The following GABRB2 variants were observed in gnomAD, a reference collection of about 807,000 sequenced individuals.
GABRB2 encodes the protein gamma-aminobutyric acid type A receptor subunit beta2.
In GABRB2, 16 loss-of-function variants were observed where a neutral mutation model predicts 54.7. The observed-to-expected ratio is 0.29, with a 90% CI of 0.20 to 0.44. The LOEUF is 0.44. Ranked by LOEUF, GABRB2 falls within the 20% of genes least tolerant of loss-of-function variation. The probability of loss-of-function intolerance (pLI) is 1.00; values close to 1 mark genes in which losing one functional copy is unlikely to be tolerated. For missense variants in GABRB2, 355 were observed against 644.0 expected (o/e 0.55, Z 4.86); for synonymous variants, 244 against 233.8 (o/e 1.04, Z -0.40).
intron 3 of GABRB2, among the ~76,000 whole-genome samples, chr5:161,542,666 C>T (rs1760857194): frequency 6.6e-6 from 1 of 152,158 alleles, no homozygotes; most frequent in African/African-American, 2.4e-5. Context: ...TGGTCTGGTT[C>T]CCTACCATTC....
At chr5:161,302,178 A>G (rs1326622380) in intron 9 of GABRB2, among the ~76,000 whole-genome samples, 1 of 152,200 alleles carries the variant, frequency 6.6e-6, no homozygotes, top group Non-Finnish European at 1.5e-5. Context: ...GACCCATGTG[A>G]TGATGGTTCT....
chr5:161,448,421 AC>A (rs919860532), intron 4 of GABRB2, among the ~76,000 whole-genome samples: 62 of 152,254 alleles, frequency 4.1e-4, no homozygotes, highest in African/African-American at 1.5e-3. Context: ...ATCTAAAAAA[AC>A]TGAGTTTCTT....
At chr5:161,382,276 G>T (rs1755493678) in intron 5 of GABRB2, among the ~76,000 whole-genome samples, 1 of 152,170 alleles carries the variant, frequency 6.6e-6, no homozygotes, top group Non-Finnish European at 1.5e-5. Context: ...AGTCTGGAGA[G>T]CATGTCGTTA....
chr5:161,303,820 A>G (rs1462352430), intron 9 of GABRB2, among the ~76,000 whole-genome samples: 2 of 151,352 alleles, frequency 1.3e-5, no homozygotes, highest in East Asian at 1.9e-4. Context: ...TTCTAATCCC[A>G]TGTTACTGTC....
At chr5:161,347,211 T>C (rs61264415) in intron 5 of GABRB2, among the ~76,000 whole-genome samples, 13,716 of 152,122 alleles carry the variant, frequency 0.09, 711 homozygotes, top group East Asian at 0.17. Context: ...AATCCTTTAC[T>C]GGAGAAACTA....
intron 5 of GABRB2, among the ~76,000 whole-genome samples, chr5:161,401,394 T>C (rs13157803): frequency 6.6e-6 from 1 of 152,184 alleles, no homozygotes; most frequent in Non-Finnish European, 1.5e-5. Context: ...CAGGAATGCG[T>C]AGAATATTAT....
intron 3 of GABRB2, among the ~76,000 whole-genome samples, chr5:161,486,745 C>T (rs1180308217): frequency 6.6e-6 from 1 of 151,946 alleles, no homozygotes; most frequent in Non-Finnish European, 1.5e-5. Flanking sequence ...GTCTCCTCCT[C>T]CATGGCTGGA....
At chr5:161,392,685 A>G (rs1177804826) in intron 5 of GABRB2, among the ~76,000 whole-genome samples, 1 of 152,212 alleles carries the variant, frequency 6.6e-6, no homozygotes, top group Non-Finnish European at 1.5e-5. Context: ...CATATAAGCA[A>G]TTCAAAACAC....
rs761229229 is a variant in GABRB2, at chr5:161,336,728, C to G, written c.583G>C (p.Asp195His). 1 of 1,612,284 alleles carries G rather than the reference C, an allele frequency of 6.2e-7. No homozygotes were observed. The highest frequency in any genetic ancestry group is 8.5e-7 in the Non-Finnish European group (1 of 1,179,508). The change falls in exon 6 of 10, where the codon GAT (aspartate) becomes CAT (histidine). Residue 195 changes from aspartate to histidine, a missense_variant. Around this residue, in one of 6 missense-constraint regions of GABRB2, gnomAD observed 30 missense variants for 33.7 expected, o/e 0.89. Coordinates refer to ENST00000393959, the MANE Select transcript of GABRB2 (RefSeq NM_001371727.1). ...GTTACTCCTGTTACTGCATTATCAT[C>G]GCCACGCCAGTAAAACTCAATGTCA... ...TDDIEFYWRG[D>H]DNAVTGVTKI...
At chr5:161,544,388 A>G (rs1343630969) in intron 3 of GABRB2, among the ~76,000 whole-genome samples, 1 of 152,158 alleles carries the variant, frequency 6.6e-6, no homozygotes, top group African/African-American at 2.4e-5. Context: ...AATGCCCCCA[A>G]GTATGTGGGG....
chr5:161,460,119 T>C (rs2113265163), intron 3 of GABRB2, among the ~76,000 whole-genome samples: 1 of 152,240 alleles, frequency 6.6e-6, no homozygotes, highest in East Asian at 1.9e-4. Flanking sequence ...TCTTTGTTTG[T>C]ATTTTTAGTA....
At chr5:161,351,317 A>T (rs1471085578) in intron 5 of GABRB2, among the ~76,000 whole-genome samples, 1 of 152,158 alleles carries the variant, frequency 6.6e-6, no homozygotes, top group Non-Finnish European at 1.5e-5. Flanking sequence ...AGCTATAGTA[A>T]TCAAAATAGC....
rs569787131 is a variant in GABRB2, at chr5:161,458,798, G to A, written c.458+826C>T. On this transcript the variant is annotated intron_variant, in intron 4 of 9. Coordinates refer to ENST00000393959, the MANE Select transcript of GABRB2 (RefSeq NM_001371727.1). ...TAGCTCAATGTCTGACCCATAACAAGTGTTCAATAAATGAATATTATTGTT... is the reference window on the plus strand; with the variant it reads ...TAGCTCAATGTCTGACCCATAACAAATGTTCAATAAATGAATATTATTGTT... Among the ~76,000 whole-genome samples, 77 of 152,258 alleles carry A rather than the reference G, an allele frequency of 5.1e-4. 1 individual carries two copies. The highest frequency in any genetic ancestry group is 1.8e-3 in the African/African-American group (74 of 41,546).
At chr5:161,411,705 A>T (rs1245189217) in intron 4 of GABRB2, among the ~76,000 whole-genome samples, 1 of 152,102 alleles carries the variant, frequency 6.6e-6, no homozygotes, top group African/African-American at 2.4e-5. Context: ...TTATTATGTT[A>T]CCACTAATAA....
intron 3 of GABRB2, among the ~76,000 whole-genome samples, chr5:161,481,130 C>T (rs1383449418): frequency 6.6e-6 from 1 of 151,984 alleles, no homozygotes; most frequent in Non-Finnish European, 1.5e-5. Context: ...AAGTGTGATA[C>T]ATGGGCCCAG....
intron 9 of GABRB2, among the ~76,000 whole-genome samples, chr5:161,307,781 A>G (rs1288387016): frequency 1.3e-5 from 2 of 151,740 alleles, no homozygotes; most frequent in African/African-American, 2.4e-5. Context: ...ACCCATTGCT[A>G]TGGATACTTG....
At chr5:161,505,421 G>A (rs1474811018) in intron 3 of GABRB2, among the ~76,000 whole-genome samples, 1 of 152,132 alleles carries the variant, frequency 6.6e-6, no homozygotes, top group African/African-American at 2.4e-5. Context: ...GTGAGCCACC[G>A]CACCCAGCCA....
intron 9 of GABRB2, among the ~76,000 whole-genome samples, chr5:161,316,913 T>C (rs1409586000): frequency 6.6e-6 from 1 of 152,134 alleles, no homozygotes; most frequent in Non-Finnish European, 1.5e-5. Flanking sequence ...CATTCTTACT[T>C]GACAGCGATA....
In GABRB2 at chr5:161,513,397, C is replaced by T. The variant is rs537004446; in HGVS notation, c.237+31830G>A. On this transcript the variant is annotated intron_variant, in intron 3 of 9. Coordinates refer to ENST00000393959, the MANE Select transcript of GABRB2 (RefSeq NM_001371727.1). ...AACCAACCTAAGTGCCCATCAACAG[C>T]GGATTCATAAAGAAAATGTGGTATA... 2.4e-4 allele frequency among the ~76,000 whole-genome samples: 37 copies of T among 151,882 alleles called. No individual in the cohort carries two copies. In the South Asian group the frequency reaches 5.4e-3, roughly 22 times the overall value.
Sources: allele counts gnomAD v4.1 joint callset (sites outside exome capture counted in the v4.1 genomes callset), GRCh38; gene constraint gnomAD v4.1.1; regional missense constraint gnomAD v4.1.1; transcripts MANE v1.5; gene names NCBI Gene and HGNC (gene_info 2026-07-23, HGNC 2026-07-21).